Variants in MGAT4C observed in about 807,000 individuals in gnomAD.
MGAT4C encodes MGAT4 family member C, also known as alpha-1,3-mannosyl-glycoprotein 4-beta-N-acetylglucosaminyltransferase C.
In MGAT4C, 19 loss-of-function variants were observed where a neutral mutation model predicts 40.1. The observed-to-expected ratio is 0.47, with a 90% confidence interval of 0.33 to 0.70. The LOEUF is 0.70. MGAT4C is among the 30% of genes least tolerant of loss of function. The pLI, the probability that MGAT4C is intolerant of heterozygous loss-of-function variation, is 0.02. For synonymous variants in MGAT4C, 181 were observed against 187.1 expected, an observed-to-expected ratio of 0.97 and a Z score of 0.27; for missense variants, 491 against 563.2, an observed-to-expected ratio of 0.87 and a Z score of 1.30.
At chr12:86,192,415 T>C (rs906911850) in intron 1 of MGAT4C, among the ~76,000 whole-genome samples, 2 of 152,136 alleles carry the variant, frequency 1.3e-5, no homozygotes, top group African/African-American at 2.4e-5. Context: ...GCAACAGCCC[T>C]TCCACACCTG....
Position 86,203,043 on chromosome 12 carries a change from TGTGTGTGTG to T in MGAT4C, c.-57+53187_-57+53195del, listed in dbSNP as rs869210985. On this transcript the variant is annotated intron_variant, in intron 1 of 4. Coordinates refer to ENST00000611864, the MANE Select transcript of MGAT4C (RefSeq NM_001351288.2). Reference sequence around the variant, plus strand: ...GTGTGTGTGTGTGTGTGTGTGTGTGTGTGTGTGTGTGTTTTTACATAGCTAGTACATTTT... The same window carrying T: ...GTGTGTGTGTGTGTGTGTGTGTGTGTTGTTTTTACATAGCTAGTACATTTT... Among the ~76,000 whole-genome samples the T allele has an allele frequency of 3.9e-5, 6 of 151,910 alleles. No homozygotes were observed. The East Asian group carries it at 1.2e-3, about 29-fold the overall frequency.
chr12:86,051,208 C>T (rs75166978), intron 1 of MGAT4C, among the ~76,000 whole-genome samples: 1 of 151,966 alleles, frequency 6.6e-6, no homozygotes, highest in Non-Finnish European at 1.5e-5. Flanking sequence ...ACAATGTTCA[C>T]GACCAGAACT....
intron 3 of MGAT4C, among the ~76,000 whole-genome samples, chr12:86,423,105 C>T (rs1023043571): frequency 2.0e-5 from 3 of 152,104 alleles, no homozygotes; most frequent in African/African-American, 7.2e-5. Context: ...TGTTTTGCAA[C>T]TCTTTCTTTG....
chr12:86,323,671 G>A (rs1211951707), intron 4 of MGAT4C, among the ~76,000 whole-genome samples: 1 of 151,654 alleles, frequency 6.6e-6, no homozygotes, highest in Non-Finnish European at 1.5e-5. Context: ...TATATAAATA[G>A]ACGAAATACA....
At chr12:85,994,664 C>A (rs1200774803) in intron 2 of MGAT4C, among the ~76,000 whole-genome samples, 1 of 151,922 alleles carries the variant, frequency 6.6e-6, no homozygotes, top group Non-Finnish European at 1.5e-5. Context: ...CAAAAAAACA[C>A]TCGGACACCC....
At chr12:86,032,621 T>G (rs996421122) in intron 2 of MGAT4C, among the ~76,000 whole-genome samples, 2 of 149,902 alleles carry the variant, frequency 1.3e-5, no homozygotes, top group Non-Finnish European at 3.0e-5. Flanking sequence ...GTTTGTTTTT[T>G]GCTTATTAAT....
At chr12:86,592,718 T>C (rs1961380438) in intron 2 of MGAT4C, among the ~76,000 whole-genome samples, 1 of 152,170 alleles carries the variant, frequency 6.6e-6, no homozygotes, top group Non-Finnish European at 1.5e-5. Flanking sequence ...CTGGGGTCTT[T>C]TGCTTATGAT....
At chr12:86,827,933 T>A (rs1952839651) in intron 1 of MGAT4C, among the ~76,000 whole-genome samples, 1 of 151,408 alleles carries the variant, frequency 6.6e-6, no homozygotes, top group South Asian at 2.1e-4. Flanking sequence ...ATAGAAACCC[T>A]ATCAATAAGT....
intron 2 of MGAT4C, among the ~76,000 whole-genome samples, chr12:86,697,373 G>A (rs375845226): frequency 1.8e-4 from 27 of 152,050 alleles, no homozygotes; most frequent in Non-Finnish European, 3.1e-4. Context: ...CTAGGGAATC[G>A]TAGATAGCTG....
At chr12:86,778,413 C>A (rs1270810785) in intron 1 of MGAT4C, among the ~76,000 whole-genome samples, 1 of 152,044 alleles carries the variant, frequency 6.6e-6, no homozygotes, top group East Asian at 1.9e-4. Context: ...TCCTTTCTTA[C>A]AAAAATCTAT....
chr12:86,539,021 A>C (rs79187840), intron 2 of MGAT4C, among the ~76,000 whole-genome samples: 4,165 of 151,818 alleles, frequency 0.027, 154 homozygotes, highest in African/African-American at 0.087. Flanking sequence ...TATTCTAAAA[A>C]CTTTTTTTTA....
At chr12:86,748,787 A>T (rs1951191556) in intron 1 of MGAT4C, among the ~76,000 whole-genome samples, 2 of 151,672 alleles carry the variant, frequency 1.3e-5, no homozygotes, top group Admixed American at 1.3e-4. Context: ...CCATATCTTA[A>T]GAAAATTATC....
chr12:86,352,903 A>G lies in MGAT4C; in HGVS notation c.-119-18776T>C, dbSNP rs1156829297. On this transcript the variant is annotated intron_variant, in intron 3 of 7. Transcript: ENST00000548651. ...AAGGGGGGAGGGGTAGCATTAGGAG[A>G]TATACCTAATGTTAAATGACGAGTT... Among the ~76,000 whole-genome samples, 8 of 151,918 alleles carry G rather than the reference A, an allele frequency of 5.3e-5. No homozygotes were observed. The East Asian group carries it at 1.5e-3, about 29-fold the overall frequency.
chr12:86,301,196 G>C (rs1191545308), intron 4 of MGAT4C, among the ~76,000 whole-genome samples: 1 of 152,096 alleles, frequency 6.6e-6, no homozygotes, highest in Non-Finnish European at 1.5e-5. Flanking sequence ...GTTGCTAGAG[G>C]AAAGAGATAA....
chr12:86,095,216 A>C (rs1309530795), intron 1 of MGAT4C, among the ~76,000 whole-genome samples: 1 of 152,146 alleles, frequency 6.6e-6, no homozygotes, highest in Non-Finnish European at 1.5e-5. Context: ...CATGCTCTTC[A>C]CATGAACAAT....
intron 1 of MGAT4C, among the ~76,000 whole-genome samples, chr12:86,151,895 A>G (rs1383974830): frequency 6.6e-6 from 1 of 152,154 alleles, no homozygotes; most frequent in Non-Finnish European, 1.5e-5. Flanking sequence ...GTTTTCTTCA[A>G]ATTCCTGTAT....
chr12:86,821,349 G>C (rs538306085), intron 1 of MGAT4C, among the ~76,000 whole-genome samples: 144 of 150,778 alleles, frequency 9.6e-4, no homozygotes, highest in African/African-American at 3.3e-3. Flanking sequence ...GTTAAGCAAC[G>C]TTTAATCTTT....
At chr12:86,027,805 T>G (rs1300893395) in intron 2 of MGAT4C, among the ~76,000 whole-genome samples, 1 of 151,950 alleles carries the variant, frequency 6.6e-6, no homozygotes, top group African/African-American at 2.4e-5. Context: ...GTTCCAGAGA[T>G]CTAACTAATT....
intron 1 of MGAT4C, among the ~76,000 whole-genome samples, chr12:86,175,483 C>A (rs1887300440): frequency 6.6e-6 from 1 of 152,064 alleles, no homozygotes; most frequent in Admixed American, 6.6e-5. Context: ...ATTATTAAAT[C>A]CATTCTTTTG....
Sources: gnomAD v4.1 joint callset for allele counts (sites outside exome capture counted in the v4.1 genomes callset) on GRCh38, gnomAD v4.1.1 for gene constraint, MANE v1.5 for transcripts, NCBI Gene and HGNC (gene_info 2026-07-23, HGNC 2026-07-21) for gene names.